Variants in LRFN2 observed in about 807,000 individuals in gnomAD.
LRFN2 encodes leucine rich repeat and fibronectin type III domain containing 2, also known as leucine-rich repeat and fibronectin type-III domain-containing protein 2.
Under a neutral mutation model 37.3 loss-of-function variants are expected in LRFN2, and 18 were observed. The observed-to-expected ratio is 0.48, with a 90% CI of 0.33 to 0.72. The LOEUF (loss-of-function observed/expected upper bound fraction) is 0.72. LRFN2 is among the 30% of genes least tolerant of loss of function. The pLI is 0.02. For synonymous variants in LRFN2, 556 were observed against 466.6 expected, an observed-to-expected ratio of 1.19 and a Z score of -2.47; for missense variants, 1,006 against 1,060.7, an observed-to-expected ratio of 0.95 and a Z score of 0.72.
At chr6:40,571,571 C>T (rs759914979) in intron 1 of LRFN2, among the ~76,000 whole-genome samples, 7 of 152,166 alleles carry the variant, frequency 4.6e-5, no homozygotes, top group Admixed American at 1.3e-4. Flanking sequence ...AGCGGAACCT[C>T]GAGATTCCAG....
At chr6:40,455,392 T>C (rs954150442) in intron 1 of LRFN2, among the ~76,000 whole-genome samples, 7 of 152,200 alleles carry the variant, frequency 4.6e-5, no homozygotes, top group Non-Finnish European at 7.3e-5. Flanking sequence ...GTGGATTCCA[T>C]GTGGGGTCTG....
chr6:40,465,063 G>A (rs1764428013), intron 1 of LRFN2, among the ~76,000 whole-genome samples: 1 of 152,124 alleles, frequency 6.6e-6, no homozygotes, highest in Non-Finnish European at 1.5e-5. Context: ...AATCAATAGG[G>A]TCCTTAAATA....
chr6:40,482,080 C>A (rs1039701113), intron 1 of LRFN2, among the ~76,000 whole-genome samples: 3 of 152,146 alleles, frequency 2.0e-5, no homozygotes, highest in African/African-American at 7.2e-5. Flanking sequence ...TGCAGCCAGG[C>A]AGTGTGACAT....
At chr6:40,394,335 C>T (rs1762572213) in intron 2 of LRFN2, among the ~76,000 whole-genome samples, 2 of 152,150 alleles carry the variant, frequency 1.3e-5, no homozygotes, top group South Asian at 4.1e-4. Flanking sequence ...CCTGAAGGTA[C>T]CACTGTGTAG....
At chr6:40,483,565 A>G (rs756733133) in intron 1 of LRFN2, among the ~76,000 whole-genome samples, 1 of 152,204 alleles carries the variant, frequency 6.6e-6, no homozygotes, top group Admixed American at 6.5e-5. Context: ...GCCAGTCTCT[A>G]TTTCAGGAGT....
At chr6:40,415,844 G>A (rs1310148451) in intron 2 of LRFN2, among the ~76,000 whole-genome samples, 3 of 152,226 alleles carry the variant, frequency 2.0e-5, no homozygotes, top group Non-Finnish European at 4.4e-5. Flanking sequence ...GAGGTAGGAT[G>A]TTGAATCTGA....
At chr6:40,574,619 T>C (rs1767244053) in intron 1 of LRFN2, among the ~76,000 whole-genome samples, 1 of 152,248 alleles carries the variant, frequency 6.6e-6, no homozygotes, top group Non-Finnish European at 1.5e-5. Flanking sequence ...ATGTGTGGCC[T>C]GTTCCATAAA....
At chr6:40,404,294 TTTTTTG>T (rs1762800932) in intron 2 of LRFN2, among the ~76,000 whole-genome samples, 1 of 152,140 alleles carries the variant, frequency 6.6e-6, no homozygotes, top group African/African-American at 2.4e-5. Context: ...TTGTTTTTTG[TTTTTTG>T]TTTTTTTTTG....
chr6:40,431,210 G>A (rs1763471237), intron 2 of LRFN2, among the ~76,000 whole-genome samples: 1 of 152,096 alleles, frequency 6.6e-6, no homozygotes, highest in African/African-American at 2.4e-5. Flanking sequence ...TTACAGATGA[G>A]AAAACTGAGG....
intron 1 of LRFN2, among the ~76,000 whole-genome samples, chr6:40,561,174 G>A (rs1202723491): frequency 6.6e-6 from 1 of 152,156 alleles, no homozygotes. Flanking sequence ...ACTGAGAGAG[G>A]AGCCCCAAGA....
chr6:40,584,355 A>C (rs2113802400), intron 1 of LRFN2, among the ~76,000 whole-genome samples: 1 of 152,354 alleles, frequency 6.6e-6, no homozygotes, highest in East Asian at 1.9e-4. Flanking sequence ...TCACATTGTT[A>C]ACCAAGATAT....
chr6:40,531,793 A>C (rs1450970609), intron 1 of LRFN2, among the ~76,000 whole-genome samples: 1 of 151,938 alleles, frequency 6.6e-6, no homozygotes, highest in Non-Finnish European at 1.5e-5. Context: ...TCACATACAA[A>C]TGTCCTTCCC....
At position 40,587,245 on chromosome 6, in the gene LRFN2, G is replaced by A. The variant is rs903451728; in HGVS notation, c.-323C>T. ...AATAATCCCTCCCTAGGAGGATGCC[G>A]GTAGGATTTTCCGGATCGAAGAACC... On this transcript the variant is annotated 5_prime_UTR_variant, in exon 1 of 3. Coordinates refer to ENST00000338305, the MANE Select transcript of LRFN2 (RefSeq NM_020737.3). The surrounding 1 kb of genome is among the most constrained non-coding windows in gnomAD (Gnocchi z 4.2). 6.6e-5 allele frequency: 10 copies of A among 152,184 alleles called. 1 individual carries two copies. Among genetic ancestry groups the A allele is most frequent in the African/African-American group, 4.8e-5 (2 of 41,432 alleles). The allele number at this position is 152,184 out of a possible 1,614,324, so 9.4% of individuals were successfully genotyped here. A position where few individuals can be genotyped will look rare whatever the true frequency, so the allele number is the denominator to read the frequency against.
At chr6:40,488,506 A>C (rs1765017735) in intron 1 of LRFN2, among the ~76,000 whole-genome samples, 1 of 151,928 alleles carries the variant, frequency 6.6e-6, no homozygotes, top group Non-Finnish European at 1.5e-5. Context: ...GCTTCTGAGA[A>C]CCTGAGTCCC....
At position 40,433,115 on chromosome 6, in the gene LRFN2, G is replaced by T. The variant is rs1763555423; in HGVS notation, c.-2C>A. 6.6e-7 allele frequency: 1 copy of T among 1,519,436 alleles called. No individual in the cohort carries two copies. The allele number at this position is 1,519,436 out of a possible 1,614,324, so 94.1% of individuals were successfully genotyped here. On this transcript the variant is annotated 5_prime_UTR_variant, in exon 2 of 3. Transcript: ENST00000338305. ...CAGGCCACCAAGCAGGGTCTCCATG[G>T]TCTGGTCACTCAGCGCCTGGAAGGG...
At position 40,392,559 on chromosome 6, in the gene LRFN2, G is replaced by T. The variant is rs765272532; in HGVS notation, c.1754C>A (p.Pro585Gln). The T allele has an allele frequency of 8.1e-6, 13 of 1,601,144 alleles. No individual in the cohort carries two copies. Among genetic ancestry groups the T allele is most frequent in the Non-Finnish European group, 1.0e-5 (12 of 1,177,474 alleles). Residue 585 changes from proline to glutamine, a missense_variant, in exon 3 of 3, where the codon CCG (proline) becomes CAG (glutamine). Physicochemically the swap from Pro to Gln is moderately conservative, Grantham distance 76 (BLOSUM62 -1). Around this residue, in one of 4 missense-constraint regions of LRFN2, gnomAD observed 398 missense variants for 327.6 expected, o/e 1.21. Transcript: ENST00000338305. The surrounding 1 kb of genome is among the most constrained non-coding windows in gnomAD (Gnocchi z 4.7). Reference protein sequence around the residue: ...VYSQTNGAQPPPPSSAPAGAP... With the variant: ...VYSQTNGAQPQPPSSAPAGAP... ...CCCGGCTGGTGCGCTGCTTGGAGGCGGTGGCTGGGCGCCGTTGGTCTGCGA... is the reference window on the plus strand; with the variant it reads ...CCCGGCTGGTGCGCTGCTTGGAGGCTGTGGCTGGGCGCCGTTGGTCTGCGA...
At chr6:40,574,646 T>G (rs1247161364) in intron 1 of LRFN2, among the ~76,000 whole-genome samples, 1 of 152,100 alleles carries the variant, frequency 6.6e-6, no homozygotes. Flanking sequence ...GCTATGTAAA[T>G]TTGGTGCATA....
intron 1 of LRFN2, among the ~76,000 whole-genome samples, chr6:40,562,873 T>TCC (rs1561909013): frequency 8.0e-5 from 12 of 150,248 alleles, no homozygotes; most frequent in Non-Finnish European, 1.2e-4. Context: ...ACACACACTC[T>TCC]ATTATCCCCA....
chr6:40,467,844 C>A (rs762794410), intron 1 of LRFN2, among the ~76,000 whole-genome samples: 18 of 152,074 alleles, frequency 1.2e-4, no homozygotes, highest in Non-Finnish European at 2.2e-4. Context: ...GAAATCTGAG[C>A]CTTAGGGTGC....
Sources: allele counts gnomAD v4.1 joint callset (sites outside exome capture counted in the v4.1 genomes callset), GRCh38; gene constraint gnomAD v4.1.1; regional missense constraint gnomAD v4.1.1; non-coding constraint Gnocchi (gnomAD v3.1); transcripts MANE v1.5; gene names NCBI Gene and HGNC (gene_info 2026-07-23, HGNC 2026-07-21).